MYCBP2: variants seen among roughly 807,000 people sequenced by gnomAD.
MYCBP2 encodes the protein MYC binding protein 2, also known as E3 ubiquitin-protein ligase MYCBP2.
Under a neutral mutation model 525.3 loss-of-function variants are expected in MYCBP2, and 120 were observed. That is an observed-to-expected ratio of 0.23 (90% CI 0.20 to 0.27). The LOEUF (loss-of-function observed/expected upper bound fraction) is 0.27, where lower values mean the gene tolerates loss of function less well. Among genes scored for constraint, MYCBP2 ranks in the 10% least tolerant of loss-of-function variants. The pLI is 1.00. For missense variants in MYCBP2, 4,149 were observed against 5,657.1 expected (o/e 0.73, Z 8.55); for synonymous variants, 1,894 against 1,955.8 (o/e 0.97, Z 0.83).
At chr13:77,194,066 TC>T in intron 27 of MYCBP2, 86 bp downstream of exon 27, 1 of 790,338 alleles carries the variant, frequency 1.3e-6, no homozygotes, top group Non-Finnish European at 2.0e-6. Context: ...ATTTAAAACT[TC>T]CTTTTAAAGT....
chr13:77,315,890 GTC>G (rs1336808545), intron 1 of MYCBP2, among the ~76,000 whole-genome samples: 1 of 102,006 alleles, frequency 9.8e-6, no homozygotes, highest in Non-Finnish European at 1.9e-5. Context: ...GCAAGGCTCT[GTC>G]TCAAAAAAAA....
intron 2 of MYCBP2, among the ~76,000 whole-genome samples, chr13:77,295,008 G>C (rs1331536268): frequency 1.3e-5 from 2 of 152,214 alleles, no homozygotes; most frequent in African/African-American, 4.8e-5. Context: ...ACTAGTATAA[G>C]AGATTGCCTC....
At chr13:77,245,744 A>AACACACACACAC (rs71102727) in intron 15 of MYCBP2, among the ~76,000 whole-genome samples, 57 of 143,168 alleles carry the variant, frequency 4.0e-4, no homozygotes, top group African/African-American at 9.7e-4. Context: ...AACGTAAAGT[A>AACACACACACAC]ACACACACAC....
intron 3 of MYCBP2, among the ~76,000 whole-genome samples, chr13:77,284,777 T>C (rs868585421): frequency 2.0e-5 from 3 of 152,230 alleles, no homozygotes; most frequent in African/African-American, 7.2e-5. Flanking sequence ...TGCCAGGTAC[T>C]GTTCTCTCAA....
At chr13:77,211,456 T>C (rs1198984283) in intron 22 of MYCBP2, 136 bp from the exon 23 acceptor site, 5 of 372,520 alleles carry the variant, frequency 1.3e-5, no homozygotes, top group African/African-American at 1.1e-4. Flanking sequence ...TTAAAAAATC[T>C]TTAAGTGGGA....
intron 44 of MYCBP2, 100 bp downstream of exon 44, chr13:77,161,806 A>G: frequency 3.5e-6 from 3 of 847,560 alleles, no homozygotes; most frequent in Non-Finnish European, 5.7e-6. Flanking sequence ...TGAAGTACTT[A>G]ATGAATGAAC....
intron 17 of MYCBP2, among the ~76,000 whole-genome samples, chr13:77,235,580 C>T (rs990198118): frequency 1.3e-5 from 2 of 152,034 alleles, no homozygotes; most frequent in African/African-American, 4.8e-5. Flanking sequence ...TGATAAGTCC[C>T]TAACCTGCTT....
chr13:77,226,676 T>G (rs910670515), intron 18 of MYCBP2, among the ~76,000 whole-genome samples: 11 of 152,210 alleles, frequency 7.2e-5, no homozygotes, highest in African/African-American at 2.7e-4. Flanking sequence ...CATTTTGTGT[T>G]TATTCTTTTT....
intron 55 of MYCBP2, among the ~76,000 whole-genome samples, chr13:77,108,447 C>T (rs948848067): frequency 3.4e-4 from 52 of 152,226 alleles, no homozygotes; most frequent in African/African-American, 1.2e-3. Context: ...GCTTCCCGAG[C>T]ATTAACTTGA....
rs1340424181 is a variant in MYCBP2 at position 77,260,547 on chromosome 13, A to G, written c.1898T>C (p.Ile633Thr). 1 of 1,609,630 alleles carries G rather than the reference A, an allele frequency of 6.2e-7. No homozygotes were observed. The highest frequency in any genetic ancestry group is 1.7e-5 in the Admixed American group (1 of 59,144). The change falls in exon 13 of 83, where the codon ATT (isoleucine) becomes ACT (threonine). Residue 633 changes from isoleucine to threonine, a missense_variant. By Grantham distance (89) the Ile-to-Thr change is moderately conservative. This residue lies in a region of MYCBP2 where 262 missense variants were observed against 419.3 expected (regional missense o/e 0.62). Transcript: ENST00000544440. ...QSKPYKPKKIIKMEGKIVVYT... is the reference protein window; with the variant it reads ...QSKPYKPKKITKMEGKIVVYT... ...TACCACAATCTTTCCTTCCATCTTA[A>G]TTATCTTTTTAGGTTTATAAGGTTT...
Position 77,263,697 on chromosome 13 carries a change from G to C in MYCBP2, c.1524C>G (p.Ala508=), listed in dbSNP as rs2154339672. The change falls in exon 10 of 83, where the codon GCC becomes GCG. Residue 508 remains alanine (A), a synonymous_variant. Transcript: ENST00000544440. ...QLKLARKCLH[A]CGISLFDLEK... ...CCAGATCGAATAGTGAGATACCACAGGCATGTAAGCATTTTCTAGCCAGTT... is the reference window on the plus strand; with the variant it reads ...CCAGATCGAATAGTGAGATACCACACGCATGTAAGCATTTTCTAGCCAGTT... 2 of 1,612,906 alleles carry C rather than the reference G, an allele frequency of 1.2e-6. No homozygotes were observed. Among genetic ancestry groups the C allele is most frequent in the East Asian group, 4.5e-5 (2 of 44,804 alleles).
chr13:77,216,963 TAC>T (rs2064908693), intron 21 of MYCBP2, among the ~76,000 whole-genome samples: 1 of 152,176 alleles, frequency 6.6e-6, no homozygotes, highest in South Asian at 2.1e-4. Flanking sequence ...CATTTGTGCA[TAC>T]ACACACACTG....
At chr13:77,082,501 T>C (rs546553258) in intron 63 of MYCBP2, among the ~76,000 whole-genome samples, 1 of 152,280 alleles carries the variant, frequency 6.6e-6, no homozygotes, top group Non-Finnish European at 1.5e-5. Context: ...GGAGAATTTA[T>C]TTATAAGTGT....
intron 20 of MYCBP2, among the ~76,000 whole-genome samples, chr13:77,222,319 G>T (rs1267974320): frequency 6.6e-6 from 1 of 152,148 alleles, no homozygotes; most frequent in African/African-American, 2.4e-5. Context: ...TTGCAAGTAT[G>T]ATATTAGTCA....
At chr13:77,195,162 T>G (rs888774210) in intron 26 of MYCBP2, among the ~76,000 whole-genome samples, 2 of 152,204 alleles carry the variant, frequency 1.3e-5, no homozygotes, top group African/African-American at 4.8e-5. Flanking sequence ...AATTATATGC[T>G]AATGACTTAG....
chr13:77,168,386 G>A (rs1189708372), intron 40 of MYCBP2, 42 bp downstream of exon 40: 1 of 1,551,610 alleles, frequency 6.4e-7, no homozygotes, highest in Admixed American at 1.7e-5. Flanking sequence ...AGAACCTCAT[G>A]CCAAGTTTTA....
At position 77,288,116 on chromosome 13, in the gene MYCBP2, C is replaced by T. The variant is rs367936445; in HGVS notation, c.594+45G>A. 4.4e-5 allele frequency: 69 copies of T among 1,582,758 alleles called. No individual in the cohort carries two copies. In the African/African-American group the frequency reaches 8.0e-4, roughly 18 times the overall value. On this transcript the variant is annotated intron_variant, in intron 3 of 82. Transcript: ENST00000544440. ...GTATATATGCATTATAGCCAGAACA[C>T]CTGCAGGTTACACATCTAAATATTA... is the stretch of plus-strand genomic sequence containing the variant.
At position 77,121,482 on chromosome 13, in the gene MYCBP2, C is replaced by A; in HGVS notation, c.8031G>T (p.Leu2677=). The A allele has an allele frequency of 6.3e-7, 1 of 1,576,736 alleles. No individual in the cohort carries two copies. Among genetic ancestry groups the A allele is most frequent in the Non-Finnish European group, 8.7e-7 (1 of 1,156,048 alleles). ...GAGGAGGAGTTTGAGAATTCTGATC[C>A]AGAAGAGCTTGTTCTACAATAAAAG... is the stretch of plus-strand genomic sequence containing the variant. ...YLRHEDEQAL[L]DQNSQTPPPS... is the part of the protein sequence containing the mutation. The change falls in exon 55 of 83, where the codon CTG becomes CTT. Residue 2677 remains leucine, a synonymous_variant. Coordinates refer to ENST00000544440, the MANE Select transcript of MYCBP2 (RefSeq NM_015057.5).
chr13:77,177,112 C>T (rs1443382411), intron 35 of MYCBP2, among the ~76,000 whole-genome samples: 1 of 151,196 alleles, frequency 6.6e-6, no homozygotes, highest in African/African-American at 2.4e-5. Context: ...ATGACATAGT[C>T]CATCTCAACA....
Sources: allele counts gnomAD v4.1 joint callset (sites outside exome capture counted in the v4.1 genomes callset), GRCh38; gene constraint gnomAD v4.1.1; regional missense constraint gnomAD v4.1.1; transcripts MANE v1.5; gene names NCBI Gene and HGNC (gene_info 2026-07-23, HGNC 2026-07-21).